Variants in ZNF385B observed in about 807,000 individuals in gnomAD.
ZNF385B encodes zinc finger protein 533.
ZNF385B carries 23 observed loss-of-function variants against 39.2 expected under a neutral mutation model. The ratio of observed to expected loss-of-function variants is 0.59; its 90% CI spans 0.42 to 0.83. ZNF385B has a LOEUF of 0.83. ZNF385B is among the 40% of genes least tolerant of loss of function. ZNF385B has a pLI of 0.00. For synonymous variants in ZNF385B, 205 were observed against 222.6 expected, an observed-to-expected ratio of 0.92 and a Z score of 0.70; for missense variants, 552 against 598.9, an observed-to-expected ratio of 0.92 and a Z score of 0.82.
chr2:179,587,093 C>T (rs553098042), intron 3 of ZNF385B, among the ~76,000 whole-genome samples: 59 of 151,040 alleles, frequency 3.9e-4, no homozygotes, highest in Admixed American at 5.9e-4. Flanking sequence ...CACCTTCCTC[C>T]CTACTCCCCA....
intron 3 of ZNF385B, among the ~76,000 whole-genome samples, chr2:179,636,648 A>T (rs1230038608): frequency 6.6e-6 from 1 of 152,200 alleles, no homozygotes; most frequent in East Asian, 1.9e-4. Context: ...TTTAAGCTTC[A>T]TTGGCTTCAC....
chr2:179,707,513 A>C (rs1699696888), intron 3 of ZNF385B, among the ~76,000 whole-genome samples: 1 of 152,216 alleles, frequency 6.6e-6, no homozygotes, highest in Non-Finnish European at 1.5e-5. Context: ...TTAGAGATGA[A>C]GCATGCTATC....
At chr2:179,692,343 C>T (rs551273300) in intron 3 of ZNF385B, among the ~76,000 whole-genome samples, 1 of 152,112 alleles carries the variant, frequency 6.6e-6, no homozygotes, top group Non-Finnish European at 1.5e-5. Flanking sequence ...CCTTATAGCT[C>T]CCTGGTTCCA....
At chr2:179,701,874 C>T (rs1699229436) in intron 3 of ZNF385B, among the ~76,000 whole-genome samples, 2 of 152,184 alleles carry the variant, frequency 1.3e-5, no homozygotes, top group African/African-American at 4.8e-5. Flanking sequence ...AGCTCTTCCA[C>T]ATATAAAGGT....
intron 4 of ZNF385B, chr2:179,522,878 T>G (rs1234828406): frequency 2.2e-6 from 1 of 453,000 alleles, no homozygotes; most frequent in Non-Finnish European, 4.6e-6. Flanking sequence ...CCAATATTCC[T>G]TACCTGGCAA....
At chr2:179,817,481 C>T (rs1394900174) in intron 1 of ZNF385B, among the ~76,000 whole-genome samples, 1 of 152,172 alleles carries the variant, frequency 6.6e-6, no homozygotes, top group Non-Finnish European at 1.5e-5. Flanking sequence ...AGTATCAAAA[C>T]CATTAATTTC....
rs1327109358 is a variant in ZNF385B, at chr2:179,446,689, G to T, written c.797C>A (p.Thr266Lys). ...GGCTGCTCCAGGTGGCAGGGGTGTT[G>T]TGCCAGATTTGAGGAGAAATGAGCC... ...ESGSFLLKSG[T>K]TPLPPGAATS... Residue 266 changes from threonine to lysine, a missense_variant, in exon 7 of 10, where the codon ACA (threonine) becomes AAA (lysine). Thr to Lys is a moderately conservative substitution (Grantham distance 78). Transcript: ENST00000410066. The T allele has an allele frequency of 1.2e-6, 2 of 1,614,112 alleles. No individual in the cohort carries two copies. The highest frequency in any genetic ancestry group is 1.7e-6 in the Non-Finnish European group (2 of 1,179,998).
intron 3 of ZNF385B, among the ~76,000 whole-genome samples, chr2:179,760,427 C>T (rs1052729317): frequency 5.9e-5 from 9 of 152,166 alleles, no homozygotes; most frequent in African/African-American, 1.9e-4. Flanking sequence ...GGAATTCATA[C>T]AGTATGTTAC....
chr2:179,800,847 C>T (rs1326605877), intron 1 of ZNF385B, among the ~76,000 whole-genome samples: 2 of 152,096 alleles, frequency 1.3e-5, no homozygotes, highest in Non-Finnish European at 2.9e-5. Flanking sequence ...GCTCAGACTT[C>T]AGACACACTT....
chr2:179,835,244 AAAG>A (rs1708184887), intron 1 of ZNF385B, among the ~76,000 whole-genome samples: 1 of 152,266 alleles, frequency 6.6e-6, no homozygotes, highest in African/African-American at 2.4e-5. Context: ...GTGTATACAG[AAAG>A]AAAAGAGATA....
At chr2:179,643,054 T>C (rs10930879) in intron 3 of ZNF385B, among the ~76,000 whole-genome samples, 51,783 of 151,872 alleles carry the variant, frequency 0.34, 9,100 homozygotes, top group East Asian at 0.56. Context: ...GCTATGGTTA[T>C]TAAGATTTGG....
At chr2:179,634,305 CT>C (rs1691523998) in intron 3 of ZNF385B, among the ~76,000 whole-genome samples, 1 of 152,156 alleles carries the variant, frequency 6.6e-6, no homozygotes, top group Non-Finnish European at 1.5e-5. Context: ...ATCTACTCAT[CT>C]GACAAAGGGC....
intron 3 of ZNF385B, chr2:179,637,192 A>G (rs1321241837): frequency 2.6e-5 from 4 of 152,174 alleles, no homozygotes; most frequent in Admixed American, 2.6e-4. Flanking sequence ...CTATTATTAG[A>G]TATAATACAG....
intron 3 of ZNF385B, among the ~76,000 whole-genome samples, chr2:179,545,417 CA>C (rs2060170517): frequency 6.6e-6 from 1 of 151,936 alleles, no homozygotes; most frequent in Non-Finnish European, 1.5e-5. Flanking sequence ...AGGGTTTTTA[CA>C]AGAAAAAGAA....
chr2:179,852,156 C>A (rs1435376254), intron 1 of ZNF385B, among the ~76,000 whole-genome samples: 1 of 152,182 alleles, frequency 6.6e-6, no homozygotes, highest in Non-Finnish European at 1.5e-5. Context: ...TCATCTCAGT[C>A]TCCACTTGGC....
At chr2:179,850,833 C>A (rs1684080095) in intron 1 of ZNF385B, among the ~76,000 whole-genome samples, 1 of 152,098 alleles carries the variant, frequency 6.6e-6, no homozygotes, top group Non-Finnish European at 1.5e-5. Context: ...TGTGGTATGA[C>A]CTTTCCAATT....
intron 3 of ZNF385B, among the ~76,000 whole-genome samples, chr2:179,561,022 G>A (rs2061301163): frequency 6.6e-6 from 1 of 152,142 alleles, no homozygotes; most frequent in Non-Finnish European, 1.5e-5. Flanking sequence ...GTGCACCATA[G>A]AATTTTACAG....
intron 4 of ZNF385B, among the ~76,000 whole-genome samples, chr2:179,537,761 ACAAAC>A (rs1265876498): frequency 4.0e-5 from 5 of 125,442 alleles, no homozygotes; most frequent in African/African-American, 1.2e-4. Context: ...AAACAAACAA[ACAAAC>A]AAAAAAAAAA....
At chr2:179,774,391 C>T (rs888641151) in intron 1 of ZNF385B, among the ~76,000 whole-genome samples, 1 of 151,682 alleles carries the variant, frequency 6.6e-6, no homozygotes, top group Admixed American at 6.6e-5. Flanking sequence ...GATGGAGTCT[C>T]GCTCTGTCGC....
Sources: gnomAD v4.1 joint callset for allele counts (sites outside exome capture counted in the v4.1 genomes callset) on GRCh38, gnomAD v4.1.1 for gene constraint, MANE v1.5 for transcripts, NCBI Gene and HGNC (gene_info 2026-07-23, HGNC 2026-07-21) for gene names.